Variants in WDR36 observed in about 807,000 individuals in gnomAD.
WDR36 encodes the protein WD repeat domain 36.
Under a neutral mutation model 112.7 loss-of-function variants are expected in WDR36, and 63 were observed. The ratio of observed to expected loss-of-function variants is 0.56; its 90% confidence interval spans 0.46 to 0.69. The LOEUF (loss-of-function observed/expected upper bound fraction) is 0.69, where lower values mean the gene tolerates loss of function less well. Among genes scored for constraint, WDR36 ranks in the 30% least tolerant of loss-of-function variants. The pLI is 0.00. For missense variants in WDR36, 1,226 were observed against 1,070.3 expected, an observed-to-expected ratio of 1.15 and a Z score of -2.03; for synonymous variants, 410 against 362.2, an observed-to-expected ratio of 1.13 and a Z score of -1.50.
intron 2 of WDR36, 144 bp from the exon 3 acceptor site, chr5:111,096,935 A>C: frequency 3.3e-6 from 2 of 609,370 alleles, no homozygotes; most frequent in Non-Finnish European, 5.7e-6. Context: ...ATTTTAGTTA[A>C]AATTTTATAC....
chr5:111,125,891 C>A, intron 22 of WDR36, 96 bp downstream of exon 22: 1 of 1,294,618 alleles, frequency 7.7e-7, no homozygotes, highest in Non-Finnish European at 1.1e-6. Flanking sequence ...GCTGTATATC[C>A]ATCCTTTCCA....
At chr5:111,103,629 A>G (rs1423127051) in intron 6 of WDR36, among the ~76,000 whole-genome samples, 157 bp from the exon 7 acceptor site, 2 of 151,804 alleles carry the variant, frequency 1.3e-5, no homozygotes, top group Admixed American at 6.6e-5. Context: ...TGAATAAAAA[A>G]GTATGCTTGA....
chr5:111,106,150 A>G lies in WDR36; in HGVS notation c.1180+7A>G. ...ATCACAAAGTTTGCAGCAGGTAAGT[A>G]ACTTCAAACTGTGTTTTGAGAAGTT... On this transcript the variant is annotated splice_region_variant and intron_variant, in intron 11 of 22. Coordinates refer to ENST00000513710, the MANE Select transcript of WDR36 (RefSeq NM_139281.3). 6.2e-7 allele frequency: 1 copy of G among 1,605,974 alleles called. No individual in the cohort carries two copies. Among genetic ancestry groups the G allele is most frequent in the South Asian group, 1.1e-5 (1 of 90,884 alleles).
In WDR36 at chr5:111,106,123, C is replaced by G; in HGVS notation, c.1160C>G (p.Pro387Arg). The G allele has an allele frequency of 6.2e-7, 1 of 1,609,912 alleles. No individual in the cohort carries two copies. Among genetic ancestry groups the G allele is most frequent in the Non-Finnish European group, 8.5e-7 (1 of 1,177,064 alleles). The change falls in exon 11 of 23, where the codon CCC becomes CGC. Residue 387 changes from proline (P) to arginine (R), a missense_variant. Physicochemically the swap from Pro to Arg is moderately radical, Grantham distance 103. Transcript: ENST00000513710. ...LQNTMSVRLP[P>R]ITKFAAEEAR... ...AATACCATGTCAGTGAGACTTCCAC[C>G]CATCACAAAGTTTGCAGCAGGTAAG...
intron 17 of WDR36, 45 bp from the exon 18 acceptor site, chr5:111,120,451 A>G (rs774573181): frequency 1.4e-6 from 2 of 1,478,120 alleles, no homozygotes; most frequent in South Asian, 1.1e-5. Context: ...TCTGAAAGAA[A>G]CTTTTTATAA....
At chr5:111,101,533 G>A (rs1753120977) in intron 5 of WDR36, among the ~76,000 whole-genome samples, 1 of 151,768 alleles carries the variant, frequency 6.6e-6, no homozygotes, top group East Asian at 1.9e-4. Context: ...TATTGATGTA[G>A]CTAGAGGGCT....
intron 19 of WDR36, among the ~76,000 whole-genome samples, chr5:111,123,156 C>G (rs897402333): frequency 6.6e-6 from 1 of 151,952 alleles, no homozygotes; most frequent in Non-Finnish European, 1.5e-5. Context: ...GTGTACTTAC[C>G]AAAACAAAAT....
chr5:111,121,461 G>T (rs1029359534), intron 19 of WDR36, among the ~76,000 whole-genome samples: 1 of 152,036 alleles, frequency 6.6e-6, no homozygotes, highest in Admixed American at 6.6e-5. Context: ...TAAAACGAGC[G>T]GGAACACATA....
intron 19 of WDR36, among the ~76,000 whole-genome samples, chr5:111,122,464 C>G (rs1012921903): frequency 3.9e-5 from 6 of 152,112 alleles, no homozygotes; most frequent in African/African-American, 9.7e-5. Context: ...CTGTGGATAA[C>G]TTCTATTTTT....
At chr5:111,111,138 G>C (rs1753329610) in intron 14 of WDR36, 32 bp from the exon 15 acceptor site, 1 of 1,603,150 alleles carries the variant, frequency 6.2e-7, no homozygotes, top group African/African-American at 1.3e-5. Flanking sequence ...AGGGTTTTTT[G>C]TTTATTAAAA....
chr5:111,097,264 C>T, intron 3 of WDR36, 85 bp downstream of exon 3: 2 of 936,834 alleles, frequency 2.1e-6, no homozygotes, highest in Non-Finnish European at 3.5e-6. Context: ...CATTCTTTAC[C>T]CAGCACACTC....
At chr5:111,095,849 A>T (rs1376959916) in intron 2 of WDR36, among the ~76,000 whole-genome samples, 1 of 152,122 alleles carries the variant, frequency 6.6e-6, no homozygotes, top group Non-Finnish European at 1.5e-5. Context: ...TTCCAATGGA[A>T]GGGTTTTTTT....
At chr5:111,103,723 T>G in intron 6 of WDR36, 63 bp from the exon 7 acceptor site, 1 of 1,587,782 alleles carries the variant, frequency 6.3e-7, no homozygotes, top group Non-Finnish European at 8.6e-7. Flanking sequence ...ATGATGCGTA[T>G]CATCAGGATT....
At chr5:111,117,719 A>G (rs1409120363) in intron 16 of WDR36, among the ~76,000 whole-genome samples, 2 of 152,204 alleles carry the variant, frequency 1.3e-5, no homozygotes, top group African/African-American at 4.8e-5. Context: ...AGAACACTAA[A>G]AAAGTGTTAA....
At chr5:111,116,277 A>G (rs1753452752) in intron 16 of WDR36, among the ~76,000 whole-genome samples, 1 of 152,072 alleles carries the variant, frequency 6.6e-6, no homozygotes, top group East Asian at 1.9e-4. Context: ...GGTGAGAAAT[A>G]TATAAAATTA....
chr5:111,106,459 T>C (rs1182548923), intron 11 of WDR36, among the ~76,000 whole-genome samples: 2 of 151,332 alleles, frequency 1.3e-5, no homozygotes, highest in Non-Finnish European at 3.0e-5. Context: ...AACAGCAGAG[T>C]ATGAGAACAT....
chr5:111,092,680 C>T (rs1752891759), intron 1 of WDR36, 62 bp downstream of exon 1: 1 of 1,538,420 alleles, frequency 6.5e-7, no homozygotes, highest in East Asian at 2.3e-5. Flanking sequence ...TAACTCTGTC[C>T]TGGAGCAGTC....
chr5:111,110,212 A>C lies in WDR36; in HGVS notation c.1350A>C (p.Gly450=). 6.2e-7 allele frequency: 1 copy of C among 1,610,692 alleles called. No homozygotes were observed. The highest frequency in any genetic ancestry group is 8.5e-7 in the Non-Finnish European group (1 of 1,177,490). The change falls in exon 13 of 23, where the codon GGA becomes GGC. Residue 450 remains glycine (G), a synonymous_variant. Transcript: ENST00000513710. ...TATAVDITSC[G]NFAVIGLSSG... is the part of the protein sequence containing the mutation. ...AGGCAGTGGATATAACTTCTTGTGG[A>C]AACTTTGCTGTAATTGGCCTCTCAT...
intron 16 of WDR36, among the ~76,000 whole-genome samples, chr5:111,115,056 A>T (rs1753428191): frequency 6.6e-6 from 1 of 152,172 alleles, no homozygotes; most frequent in South Asian, 2.1e-4. Context: ...TTCAAATCTG[A>T]TAGATTTTCA....
Sources: allele counts gnomAD v4.1 joint callset (sites outside exome capture counted in the v4.1 genomes callset), GRCh38; gene constraint gnomAD v4.1.1; transcripts MANE v1.5; gene names NCBI Gene and HGNC (gene_info 2026-07-23, HGNC 2026-07-21).